The following PEPD variants were observed in gnomAD, a reference collection of about 807,000 sequenced individuals.
PEPD encodes the protein peptidase D, also known as xaa-Pro dipeptidase.
Under a neutral mutation model 60.7 loss-of-function variants are expected in PEPD, and 53 were observed. The observed-to-expected ratio is 0.87, with a 90% CI of 0.70 to 1.10. The LOEUF (loss-of-function observed/expected upper bound fraction) is 1.10, where lower values mean the gene tolerates loss of function less well. Ranked by LOEUF, PEPD falls within the 50% of genes least tolerant of loss-of-function variation. PEPD has a pLI of 0.00. For missense variants in PEPD, 711 were observed against 711.9 expected, an observed-to-expected ratio of 1.00 and a Z score of 0.01; for synonymous variants, 267 against 284.1, an observed-to-expected ratio of 0.94 and a Z score of 0.60.
At chr19:33,473,929 A>G (rs1207562637) in intron 7 of PEPD, among the ~76,000 whole-genome samples, 1 of 152,246 alleles carries the variant, frequency 6.6e-6, no homozygotes. Flanking sequence ...AAACAGTCAC[A>G]GGAAGGAAAT....
At position 33,423,061 on chromosome 19, in the gene PEPD, A is replaced by T. The variant is rs78715838; in HGVS notation, c.672-9418T>A. Among the ~76,000 whole-genome samples, 252 of 147,358 alleles carry T rather than the reference A, an allele frequency of 1.7e-3. 1 individual carries two copies. The highest frequency in any genetic ancestry group is 6.1e-3 in the African/African-American group (245 of 39,860). ...CCATCCATCATCTATCAAGGTGATGATCATCTATATCAGCCTACATACTTA... is the reference window on the plus strand; with the variant it reads ...CCATCCATCATCTATCAAGGTGATGTTCATCTATATCAGCCTACATACTTA... On this transcript the variant is annotated intron_variant, in intron 9 of 14. Transcript: ENST00000244137.
chr19:33,501,447 A>G (rs1021862288), intron 3 of PEPD, among the ~76,000 whole-genome samples: 3 of 152,168 alleles, frequency 2.0e-5, no homozygotes, highest in African/African-American at 7.2e-5. Flanking sequence ...TTGGGAGGCC[A>G]AGGCAGACAG....
At chr19:33,391,259 T>C (rs1025546048) in intron 13 of PEPD, 36 bp downstream of exon 13, 2 of 1,549,022 alleles carry the variant, frequency 1.3e-6, no homozygotes, top group East Asian at 4.5e-5. Flanking sequence ...CGGCAGCTGA[T>C]GGGCAGGCCA....
rs1412809958 is a variant in PEPD, at chr19:33,399,054, G to C, written c.967+2667C>G. Among the ~76,000 whole-genome samples the C allele has an allele frequency of 4.6e-5, 7 of 152,258 alleles. No homozygotes were observed. In the East Asian group the frequency reaches 9.7e-4, roughly 21 times the overall value. ...GCTGGAGTGCAGTGGTGTGATCTTG[G>C]CTCACTGCAACCTCCGCCTCCTAGG... On this transcript the variant is annotated intron_variant, in intron 12 of 14. Transcript: ENST00000244137.
At chr19:33,463,314 G>A (rs899777204) in intron 8 of PEPD, among the ~76,000 whole-genome samples, 3 of 152,208 alleles carry the variant, frequency 2.0e-5, no homozygotes, top group South Asian at 2.1e-4. Context: ...CCAGCAGCCC[G>A]AGGACAGTGA....
At chr19:33,389,619 T>C (rs1968164527) in intron 13 of PEPD, among the ~76,000 whole-genome samples, 1 of 152,118 alleles carries the variant, frequency 6.6e-6, no homozygotes, top group Non-Finnish European at 1.5e-5. Flanking sequence ...CAACGTCAGG[T>C]TTCCTTCCTT....
rs530888714 is a variant in PEPD, at chr19:33,481,383, A to G, written c.504-3293T>C. Among the ~76,000 whole-genome samples the G allele has an allele frequency of 1.0e-4, 15 of 148,412 alleles. No individual in the cohort carries two copies. The East Asian group carries it at 2.8e-3, about 27-fold the overall frequency. On this transcript the variant is annotated intron_variant, in intron 6 of 14. Coordinates refer to ENST00000244137, the MANE Select transcript of PEPD (RefSeq NM_000285.4). ...GGAGTTCGAGACCAGCCTGGCCAAC[A>G]TTGCAAAACCCCATCTCTACGAAAA...
intron 13 of PEPD, chr19:33,389,151 C>T (rs1968152666): frequency 6.6e-6 from 1 of 152,458 alleles, no homozygotes; most frequent in African/African-American, 2.4e-5. Context: ...TCGGCCTCCA[C>T]GCTGGGCACG....
chr19:33,507,555 G>A (rs1034443582), intron 3 of PEPD, among the ~76,000 whole-genome samples: 3 of 152,120 alleles, frequency 2.0e-5, no homozygotes, highest in African/African-American at 4.8e-5. Context: ...TTCCCTGGGC[G>A]ACTTTGGATT....
chr19:33,487,638 G>A (rs1003290987), intron 6 of PEPD, among the ~76,000 whole-genome samples: 2 of 152,204 alleles, frequency 1.3e-5, no homozygotes, highest in African/African-American at 4.8e-5. Flanking sequence ...GAGGGGCCGG[G>A]TGAGCACCCC....
chr19:33,484,375 C>T (rs907648643), intron 6 of PEPD, among the ~76,000 whole-genome samples: 5 of 152,214 alleles, frequency 3.3e-5, no homozygotes, highest in Admixed American at 6.5e-5. Flanking sequence ...CGCATACACA[C>T]GTGCACATGC....
chr19:33,426,879 C>A (rs138823381), intron 9 of PEPD, among the ~76,000 whole-genome samples: 2 of 152,208 alleles, frequency 1.3e-5, no homozygotes, highest in South Asian at 4.1e-4. Context: ...AGGCCCAGGA[C>A]GCAGCGAAAT....
At chr19:33,484,217 A>C (rs1970358001) in intron 6 of PEPD, among the ~76,000 whole-genome samples, 1 of 152,250 alleles carries the variant, frequency 6.6e-6, no homozygotes. Flanking sequence ...AAAGTGAAGA[A>C]CAGGGCAGCA....
intron 9 of PEPD, among the ~76,000 whole-genome samples, chr19:33,419,873 A>C (rs911042321): frequency 6.6e-6 from 1 of 152,090 alleles, no homozygotes; most frequent in African/African-American, 2.4e-5. Context: ...GAGGCCTGGG[A>C]TGCTGAGGCC....
chr19:33,460,250 C>T (rs1029398629), intron 9 of PEPD, among the ~76,000 whole-genome samples: 1 of 152,166 alleles, frequency 6.6e-6, no homozygotes, highest in Non-Finnish European at 1.5e-5. Context: ...GGTCAGACAC[C>T]GCGCAGATAA....
intron 3 of PEPD, among the ~76,000 whole-genome samples, chr19:33,509,277 G>A (rs936656739): frequency 3.3e-5 from 5 of 152,252 alleles, no homozygotes; most frequent in Non-Finnish European, 7.3e-5. Context: ...TGTCCACTCC[G>A]TGCCCTTCTT....
At chr19:33,473,167 C>T (rs772753826) in intron 7 of PEPD, among the ~76,000 whole-genome samples, 3 of 152,142 alleles carry the variant, frequency 2.0e-5, no homozygotes, top group African/African-American at 7.2e-5. Context: ...TGCCTCCTGG[C>T]GCGCAGTGAC....
Position 33,391,415 on chromosome 19 carries a change from C to A in PEPD, c.1032G>T (p.Met344Ile). The change falls in exon 13 of 15, where the codon ATG becomes ATT. Residue 344 changes from methionine (M) to isoleucine (I), a missense_variant. Met to Ile is a conservative substitution (Grantham distance 10). Transcript: ENST00000244137. ...CGTCCACGCTGCCGCTCAGGATGCC[C>A]ATGTGGGCCAGCTCCTCCAGGTGGA... is the stretch of plus-strand genomic sequence containing the variant. ...DRIHLEELAH[M>I]GILSGSVDAM... 6.3e-7 allele frequency: 1 copy of A among 1,575,196 alleles called. No homozygotes were observed. The highest frequency in any genetic ancestry group is 8.6e-7 in the Non-Finnish European group (1 of 1,160,170).
rs1484103189 is a variant in PEPD at position 33,387,921 on chromosome 19, T to C, written c.1313A>G (p.Glu438Gly). The change falls in exon 14 of 15, where the codon GAG (glutamate) becomes GGG (glycine). Residue 438 changes from glutamate (E) to glycine (G), a missense_variant. Glu to Gly is a moderately conservative substitution (Grantham distance 98). Transcript: ENST00000244137. ...AAAACCGCGAAAGCGCTGCAGGACCTCGCGGTTAAGGAAGGAGGCGCGGGC... is the reference window on the plus strand; with the variant it reads ...AAAACCGCGAAAGCGCTGCAGGACCCCGCGGTTAAGGAAGGAGGCGCGGGC... The part of the protein sequence containing the change: ...DPARASFLNR[E>G]VLQRFRGFGG... The C allele has an allele frequency of 1.3e-6, 2 of 1,589,990 alleles. No individual in the cohort carries two copies. Among genetic ancestry groups the C allele is most frequent in the East Asian group, 2.3e-5 (1 of 43,958 alleles).
Sources: gnomAD v4.1 joint callset for allele counts (sites outside exome capture counted in the v4.1 genomes callset) on GRCh38, gnomAD v4.1.1 for gene constraint, MANE v1.5 for transcripts, NCBI Gene and HGNC (gene_info 2026-07-23, HGNC 2026-07-21) for gene names.